POM121: variants seen among roughly 807,000 people sequenced by gnomAD.
The protein encoded by POM121 is POM121 transmembrane nucleoporin, also known as nuclear envelope pore membrane protein POM 121.
A neutral mutation model predicts 81.3 loss-of-function variants in POM121; 32 were observed. The observed-to-expected ratio is 0.39, with a 90% CI of 0.30 to 0.53. The LOEUF is 0.53. POM121 is among the 20% of genes least tolerant of loss of function. The probability of loss-of-function intolerance (pLI) is 0.66; values close to 1 mark genes in which losing one functional copy is unlikely to be tolerated. For synonymous variants in POM121, 514 were observed against 694.2 expected (o/e 0.74, Z 4.08); for missense variants, 1,138 against 1,614.6 (o/e 0.70, Z 5.06).
chr7:72,908,944 A>C (rs782306637), intron 3 of POM121, among the ~76,000 whole-genome samples: 2 of 152,294 alleles, frequency 1.3e-5, no homozygotes, highest in South Asian at 2.1e-4. Context: ...GGCGACATAC[A>C]TCCTCAGTTT....
intron 3 of POM121, among the ~76,000 whole-genome samples, chr7:72,899,961 T>C (rs1220636134): frequency 1.3e-5 from 2 of 152,206 alleles, no homozygotes; most frequent in Non-Finnish European, 2.9e-5. Context: ...GGTGGTAATG[T>C]GGGACACAGC....
At chr7:72,900,503 T>A (rs1792501253) in intron 3 of POM121, among the ~76,000 whole-genome samples, 2 of 152,164 alleles carry the variant, frequency 1.3e-5, no homozygotes, top group Admixed American at 6.6e-5. Context: ...CTTACATTTT[T>A]ATTTTAATTT....
At position 72,945,979 on chromosome 7, in the gene POM121, A is replaced by G. The variant is rs192949303; in HGVS notation, c.3653-158A>G. 4.6e-3 allele frequency among the ~76,000 whole-genome samples: 694 copies of G among 152,000 alleles called. 5 individuals carry two copies. The highest frequency in any genetic ancestry group is 0.013 in the African/African-American group (557 of 41,442). ...GAGACTCTCTGGGAGTTTGCATTTC[A>G]GGAGGCTTCTCCCGTACAGTGTTTC... On this transcript the variant is annotated intron_variant, in intron 12 of 12. Coordinates refer to ENST00000434423, the MANE Select transcript of POM121 (RefSeq NM_001387691.1).
chr7:72,889,110 T>C (rs1212825229), intron 1 of POM121, among the ~76,000 whole-genome samples: 1 of 152,236 alleles, frequency 6.6e-6, no homozygotes, highest in Non-Finnish European at 1.5e-5. Flanking sequence ...TGTAATTTTA[T>C]GTTATTTATT....
intron 3 of POM121, among the ~76,000 whole-genome samples, chr7:72,909,050 T>C (rs1407829060): frequency 6.6e-6 from 1 of 152,182 alleles, no homozygotes; most frequent in African/African-American, 2.4e-5. Context: ...TCTTCACAAT[T>C]TATGTTCAGA....
At chr7:72,926,707 TG>T (rs1795483558) in intron 2 of POM121, 94 bp from the exon 3 acceptor site, 1 of 1,531,202 alleles carries the variant, frequency 6.5e-7, no homozygotes, top group Non-Finnish European at 8.8e-7. Context: ...TACTTTGGCC[TG>T]TTGGTTAGCT....
intron 3 of POM121, among the ~76,000 whole-genome samples, chr7:72,893,843 A>C (rs1187314884): frequency 6.6e-6 from 1 of 152,036 alleles, no homozygotes; most frequent in Admixed American, 6.6e-5. Flanking sequence ...TCCTTCGATG[A>C]AACTCAGTCT....
chr7:72,898,642 C>CA (rs1251676398), intron 3 of POM121, among the ~76,000 whole-genome samples: 2 of 151,684 alleles, frequency 1.3e-5, no homozygotes, highest in African/African-American at 4.8e-5. Context: ...ACTAAAAATA[C>CA]AAAAAATTAG....
intron 3 of POM121, among the ~76,000 whole-genome samples, chr7:72,913,135 G>A (rs782797802): frequency 4.6e-5 from 7 of 152,194 alleles, no homozygotes; most frequent in East Asian, 1.9e-4. Flanking sequence ...CCAGCAGCTC[G>A]AGACCATTCA....
chr7:72,888,667 G>A (rs1790978858), intron 1 of POM121, among the ~76,000 whole-genome samples: 1 of 140,250 alleles, frequency 7.1e-6, no homozygotes, highest in African/African-American at 3.2e-5. Context: ...AGAAGACTGA[G>A]GCATAAGAGT....
At chr7:72,945,501 C>T in intron 11 of POM121, 85 bp from the exon 12 acceptor site, 6 of 1,548,102 alleles carry the variant, frequency 3.9e-6, no homozygotes, top group South Asian at 1.2e-5. Flanking sequence ...GTGGGAAGTG[C>T]CCTGCGGAGC....
rs529917263 is a variant in POM121, at chr7:72,929,785, C to T, written c.1104-155C>T. Among the ~76,000 whole-genome samples the T allele has an allele frequency of 2.1e-3, 321 of 152,308 alleles. 3 individuals are homozygous for T. Among genetic ancestry groups the T allele is most frequent in the African/African-American group, 7.4e-3 (306 of 41,560 alleles). ...TTAAATATTTGGCTTTTCTTACTGA[C>T]TTTGTCAGATAGATTTGGCCAGATT... On this transcript the variant is annotated intron_variant, in intron 4 of 12. Coordinates refer to ENST00000434423, the MANE Select transcript of POM121 (RefSeq NM_001387691.1).
chr7:72,879,559 G>A (rs1470600115), exon 1 of POM121: 9 of 272,910 alleles, frequency 3.3e-5, no homozygotes, highest in African/African-American at 2.1e-4. Flanking sequence ...GTGAACCCCG[G>A]AGCCAGCGGC....
downstream of POM121, chr7:72,949,580 AG>A: frequency 1.5e-6 from 1 of 689,170 alleles, no homozygotes; most frequent in Admixed American, 2.5e-5. Context: ...CAGAACATGC[AG>A]GTTAAGCCAG....
chr7:72,945,725 C>T lies in POM121; in HGVS notation c.3652+17C>T. On this transcript the variant is annotated intron_variant, in intron 12 of 12. Coordinates refer to ENST00000434423, the MANE Select transcript of POM121 (RefSeq NM_001387691.1). The stretch of plus-strand genomic sequence containing the variant: ...CACCTTTCGGTAAGCAGCAAGCCAC[C>T]CTGTGGCCCTGCTCATCTGTCTGAG... 5.6e-6 allele frequency: 9 copies of T among 1,605,282 alleles called. No individual in the cohort carries two copies. Among genetic ancestry groups the T allele is most frequent in the Non-Finnish European group, 7.7e-6 (9 of 1,175,788 alleles).
Position 72,917,967 on chromosome 7 carries a change from G to A in POM121, c.-152+4139G>A, listed in dbSNP as rs557875616. 2.1e-4 allele frequency among the ~76,000 whole-genome samples: 32 copies of A among 152,298 alleles called. No individual in the cohort carries two copies. The South Asian group carries it at 5.8e-3, about 28-fold the overall frequency. On this transcript the variant is annotated intron_variant, in intron 4 of 15. Coordinates refer to the POM121 transcript ENST00000395270. ...GGGGGCCCTTCCCTGCCTGGCAGCC[G>A]AGTCAGAGAGAGAGAGAGAGGAGAC...
intron 4 of POM121, among the ~76,000 whole-genome samples, 156 bp from the exon 5 acceptor site, chr7:72,929,784 A>C (rs1370160165): frequency 6.6e-6 from 1 of 152,206 alleles, no homozygotes; most frequent in Non-Finnish European, 1.5e-5. Flanking sequence ...TTTCTTACTG[A>C]CTTTGTCAGA....
chr7:72,925,572 G>T lies in POM121; in HGVS notation c.451G>T (p.Ala151Ser), dbSNP rs568704912. The T allele has an allele frequency of 6.5e-7, 1 of 1,531,372 alleles. No homozygotes were observed. The highest frequency in any genetic ancestry group is 1.4e-5 in the African/African-American group (1 of 72,750). The allele number at this position is 1,531,372 out of a possible 1,614,324, so 94.9% of individuals were successfully genotyped here. Residue 151 changes from alanine (A) to serine (S), a missense_variant, in exon 1 of 13, where the codon GCC becomes TCC. Physicochemically the swap from Ala to Ser is moderately conservative, Grantham distance 99. Coordinates refer to ENST00000434423, the MANE Select transcript of POM121 (RefSeq NM_001387691.1). ...CAAGCCCGGGCCGCCGCAGCCCGCC[G>T]CCGCTCCGGAGGGCCAGGACCTGCG... ...LGKPGPPQPA[A>S]APEGQDLRDR...
intron 5 of POM121, among the ~76,000 whole-genome samples, chr7:72,931,188 T>G (rs1286018778): frequency 6.6e-6 from 1 of 152,190 alleles, no homozygotes; most frequent in Non-Finnish European, 1.5e-5. Context: ...AGTTATTATT[T>G]TTGATATGCA....
Sources: allele counts gnomAD v4.1 joint callset (sites outside exome capture counted in the v4.1 genomes callset), GRCh38; gene constraint gnomAD v4.1.1; transcripts MANE v1.5; gene names NCBI Gene and HGNC (gene_info 2026-07-23, HGNC 2026-07-21).